PRELID2: variants seen among roughly 807,000 people sequenced by gnomAD.
The protein encoded by PRELID2 is PRELI domain-containing protein 2.
Under a neutral mutation model 28.4 loss-of-function variants are expected in PRELID2, and 25 were observed. The observed-to-expected ratio is 0.88, with a 90% confidence interval of 0.64 to 1.23. The LOEUF is 1.23. Among genes scored for constraint, PRELID2 ranks in the 50% most tolerant of loss-of-function variants. PRELID2 has a pLI of 0.00. For missense variants in PRELID2, 201 were observed against 214.4 expected, an observed-to-expected ratio of 0.94 and a Z score of 0.39; for synonymous variants, 76 against 71.6, an observed-to-expected ratio of 1.06 and a Z score of -0.31.
intron 5 of PRELID2, among the ~76,000 whole-genome samples, chr5:145,781,951 T>C (rs1031685940): frequency 2.0e-5 from 3 of 151,974 alleles, no homozygotes; most frequent in African/African-American, 4.8e-5. Flanking sequence ...TCTTTGAATT[T>C]AGCACAAAAG....
chr5:145,794,917 C>T (rs1752635980), intron 5 of PRELID2, among the ~76,000 whole-genome samples: 1 of 151,996 alleles, frequency 6.6e-6, no homozygotes, highest in Non-Finnish European at 1.5e-5. Context: ...AAATCCAGCC[C>T]ACCACCTGTA....
the PRELID2 span, among the ~76,000 whole-genome samples, chr5:145,366,311 T>C: frequency 1.3e-5 from 2 of 151,898 alleles, no homozygotes; most frequent in Non-Finnish European, 2.9e-5. Context: ...GCAACTCTGA[T>C]TTGCATGCAC....
chr5:145,705,367 G>GTT (rs796814237), intron 1 of PRELID2, among the ~76,000 whole-genome samples: 5,845 of 147,788 alleles, frequency 0.04, 185 homozygotes, highest in African/African-American at 0.084. Flanking sequence ...ATTTTTGTGG[G>GTT]TTTTTTTTGT....
the PRELID2 span, among the ~76,000 whole-genome samples, chr5:145,248,438 G>C: frequency 6.6e-6 from 1 of 152,124 alleles, no homozygotes; most frequent in African/African-American, 2.4e-5. Context: ...GTTGATGTCA[G>C]AAGAGAATCT....
chr5:145,690,528 C>T (rs930900301), intron 1 of PRELID2, among the ~76,000 whole-genome samples: 12 of 152,184 alleles, frequency 7.9e-5, no homozygotes, highest in Admixed American at 5.9e-4. Context: ...TACATGACAA[C>T]CACAAGAGGC....
the PRELID2 span, among the ~76,000 whole-genome samples, chr5:145,305,840 C>T: frequency 7.2e-5 from 11 of 152,290 alleles, no homozygotes; most frequent in Admixed American, 7.2e-4. Flanking sequence ...CACAGGCCCC[C>T]AGGGAAATGC....
At chr5:145,828,239 A>G (rs1045014021) in intron 1 of PRELID2, among the ~76,000 whole-genome samples, 4 of 152,196 alleles carry the variant, frequency 2.6e-5, no homozygotes, top group Admixed American at 6.5e-5. Flanking sequence ...TAAGAATTAA[A>G]GGAAACAATT....
At chr5:145,607,330 G>A (rs757988507) in intron 1 of PRELID2, among the ~76,000 whole-genome samples, 1 of 152,048 alleles carries the variant, frequency 6.6e-6, no homozygotes, top group Admixed American at 6.5e-5. Context: ...TCCCCTAGGT[G>A]TGATGTTAGA....
At chr5:145,282,515 C>CTTTTTTT in the PRELID2 span, among the ~76,000 whole-genome samples, 2 of 141,690 alleles carry the variant, frequency 1.4e-5, no homozygotes, top group Non-Finnish European at 1.5e-5. Flanking sequence ...GACAGCTCTT[C>CTTTTTTT]TTTTTTTTTT....
intron 1 of PRELID2, among the ~76,000 whole-genome samples, chr5:145,733,833 C>T (rs1756417552): frequency 6.6e-6 from 1 of 152,124 alleles, no homozygotes; most frequent in African/African-American, 2.4e-5. Flanking sequence ...AGCCTTTTAC[C>T]TCACATGGCA....
At chr5:145,340,754 C>T in the PRELID2 span, among the ~76,000 whole-genome samples, 2 of 125,036 alleles carry the variant, frequency 1.6e-5, no homozygotes, top group Non-Finnish European at 3.4e-5. Flanking sequence ...AGAGTGAGAC[C>T]CTGCCTAAAA....
chr5:145,420,429 C>T, the PRELID2 span, among the ~76,000 whole-genome samples: 1 of 150,676 alleles, frequency 6.6e-6, no homozygotes, highest in Non-Finnish European at 1.5e-5. Flanking sequence ...TTGTAGTTCT[C>T]CTTGAAGAGG....
At chr5:145,829,268 T>C (rs1380336691) in intron 1 of PRELID2, among the ~76,000 whole-genome samples, 1 of 152,222 alleles carries the variant, frequency 6.6e-6, no homozygotes, top group Non-Finnish European at 1.5e-5. Context: ...AAGTATACTT[T>C]ACAATTGTTC....
At chr5:145,461,254 A>T in the PRELID2 span, among the ~76,000 whole-genome samples, 1 of 152,206 alleles carries the variant, frequency 6.6e-6, no homozygotes, top group Non-Finnish European at 1.5e-5. Context: ...GATTGGTTCA[A>T]ATCTTTATTG....
At chr5:145,510,434 T>C (rs922923645) in intron 1 of PRELID2, among the ~76,000 whole-genome samples, 2 of 152,228 alleles carry the variant, frequency 1.3e-5, no homozygotes, top group African/African-American at 4.8e-5. Flanking sequence ...GGGCTCTTCC[T>C]AGCGGCCTGC....
chr5:145,286,504 C>T, the PRELID2 span, among the ~76,000 whole-genome samples: 2 of 152,096 alleles, frequency 1.3e-5, no homozygotes, highest in African/African-American at 4.8e-5. Flanking sequence ...GTGTAATTTT[C>T]CCAGTCATAT....
chr5:145,473,510 T>A (rs1752072150), intron 1 of PRELID2, among the ~76,000 whole-genome samples: 1 of 152,132 alleles, frequency 6.6e-6, no homozygotes, highest in Admixed American at 6.6e-5. Flanking sequence ...ATGTGTAGAG[T>A]GAATCTTAGA....
At chr5:145,236,100 G>A in the PRELID2 span, among the ~76,000 whole-genome samples, 3 of 152,100 alleles carry the variant, frequency 2.0e-5, no homozygotes, top group African/African-American at 7.2e-5. Flanking sequence ...AATCCTGAAA[G>A]GTGCTTAGTT....
intron 1 of PRELID2, among the ~76,000 whole-genome samples, chr5:145,630,977 T>C (rs1467510653): frequency 6.6e-6 from 1 of 152,216 alleles, no homozygotes; most frequent in Non-Finnish European, 1.5e-5. Flanking sequence ...AATCAATTAA[T>C]TTCTCTAGGA....
Sources: allele counts gnomAD v4.1 joint callset (sites outside exome capture counted in the v4.1 genomes callset), GRCh38; gene constraint gnomAD v4.1.1; transcripts MANE v1.5; gene names NCBI Gene and HGNC (gene_info 2026-07-23, HGNC 2026-07-21).